Variants in PTPN5 observed in about 807,000 individuals in gnomAD.
PTPN5 encodes protein tyrosine phosphatase non-receptor type 5, also known as tyrosine-protein phosphatase non-receptor type 5.
Under a neutral mutation model 73.9 loss-of-function variants are expected in PTPN5, and 29 were observed. That is an observed-to-expected ratio of 0.39 (90% CI 0.29 to 0.54). PTPN5 has a LOEUF of 0.54. PTPN5 is among the 20% of genes least tolerant of loss of function. PTPN5 has a pLI of 0.65. For missense variants in PTPN5, 652 were observed against 751.4 expected, an observed-to-expected ratio of 0.87 and a Z score of 1.55; for synonymous variants, 267 against 304.7, an observed-to-expected ratio of 0.88 and a Z score of 1.29.
intron 9 of PTPN5, among the ~76,000 whole-genome samples, chr11:18,735,767 C>CA (rs746159443): frequency 0.047 from 4,203 of 90,070 alleles, 197 homozygotes; most frequent in African/African-American, 0.13. Context: ...TCTGTCTCCC[C>CA]CAAAAAAAAA....
chr11:18,787,508 C>A (rs1043864052), intron 1 of PTPN5, among the ~76,000 whole-genome samples: 5 of 152,182 alleles, frequency 3.3e-5, no homozygotes, highest in African/African-American at 1.2e-4. Flanking sequence ...ACTCTCTCAC[C>A]TTTTTCCTTA....
In PTPN5 at chr11:18,743,996, C is replaced by A; in HGVS notation, c.291+10G>T. On this transcript the variant is annotated intron_variant, in intron 4 of 14. Transcript: ENST00000358540. ...TCTCCAGACCCTTGTGAGGCCTGTGCCATCCTTACCAGGAACTGTGAGGCA... is the reference window on the plus strand; with the variant it reads ...TCTCCAGACCCTTGTGAGGCCTGTGACATCCTTACCAGGAACTGTGAGGCA... 2 of 1,589,918 alleles carry A rather than the reference C, an allele frequency of 1.3e-6. No individual in the cohort carries two copies. Among genetic ancestry groups the A allele is most frequent in the Non-Finnish European group, 1.7e-6 (2 of 1,171,114 alleles).
intron 4 of PTPN5, 133 bp from the exon 5 acceptor site, chr11:18,743,562 T>A: frequency 1.3e-6 from 1 of 790,078 alleles, no homozygotes. Context: ...ACCGGGCAGC[T>A]GAGAGCAGGG....
intron 9 of PTPN5, among the ~76,000 whole-genome samples, 200 bp downstream of exon 9, chr11:18,737,680 A>G (rs1012930533): frequency 6.6e-6 from 1 of 152,164 alleles, no homozygotes; most frequent in African/African-American, 2.4e-5. Flanking sequence ...AAAGGACCAG[A>G]GAGTGCTGTG....
chr11:18,737,401 T>G (rs998750119), intron 9 of PTPN5, among the ~76,000 whole-genome samples: 4 of 152,172 alleles, frequency 2.6e-5, no homozygotes, highest in African/African-American at 9.7e-5. Context: ...GTTAGAGGGC[T>G]TACAATTCGA....
At chr11:18,743,240 C>T in intron 5 of PTPN5, 82 bp downstream of exon 5, 2 of 1,398,264 alleles carry the variant, frequency 1.4e-6, no homozygotes, top group Non-Finnish European at 2.0e-6. Context: ...CTCAGAGAAG[C>T]CCAATCTGGA....
At chr11:18,770,824 C>A (rs187944043) in intron 2 of PTPN5, among the ~76,000 whole-genome samples, 107 of 152,338 alleles carry the variant, frequency 7.0e-4, no homozygotes, top group African/African-American at 2.4e-3. Flanking sequence ...CAGCCTAGAC[C>A]ACCCACCCCA....
rs150760544 is a variant in PTPN5, at chr11:18,748,142, C to T, written c.98-3943G>A. Among the ~76,000 whole-genome samples the T allele has an allele frequency of 9.9e-5, 15 of 152,238 alleles. No individual in the cohort carries two copies. In the East Asian group the frequency reaches 2.9e-3, roughly 29 times the overall value. On this transcript the variant is annotated intron_variant, in intron 3 of 14. Coordinates refer to ENST00000358540, the MANE Select transcript of PTPN5 (RefSeq NM_006906.2). ...TATCAAGAAGCCTAGTCAGGATTCTCAGGTTTCAGGCCTCGACTCCCACCT... is the reference window on the plus strand; with the variant it reads ...TATCAAGAAGCCTAGTCAGGATTCTTAGGTTTCAGGCCTCGACTCCCACCT...
At chr11:18,764,978 CT>C (rs1310358583) in intron 3 of PTPN5, among the ~76,000 whole-genome samples, 1 of 152,126 alleles carries the variant, frequency 6.6e-6, no homozygotes, top group African/African-American at 2.4e-5. Flanking sequence ...TCCCAAAGTG[CT>C]GGGATTACAG....
At position 18,728,717 on chromosome 11, in the gene PTPN5, T is replaced by C. The variant is rs1220386705; in HGVS notation, c.*217A>G. Reference sequence around the variant, plus strand: ...AGGCCCCGGGGCCCCAGGCCTGGCCTGGCATGTCCCTTCCCGACCCTGCCC... The same window carrying C: ...AGGCCCCGGGGCCCCAGGCCTGGCCCGGCATGTCCCTTCCCGACCCTGCCC... On this transcript the variant is annotated 3_prime_UTR_variant, in exon 15 of 15. Transcript: ENST00000358540. This position sits in a 1 kb window ranked among gnomAD's most constrained non-coding sequence, Gnocchi z 4.1. The C allele has an allele frequency of 8.0e-6, 4 of 497,290 alleles. No individual in the cohort carries two copies. The highest frequency in any genetic ancestry group is 4.0e-5 in the Admixed American group (1 of 25,124). The allele number at this position is 497,290 out of a possible 1,614,324, so 30.8% of individuals were successfully genotyped here.
chr11:18,783,228 G>A (rs938767144), intron 1 of PTPN5, among the ~76,000 whole-genome samples: 4 of 152,222 alleles, frequency 2.6e-5, no homozygotes, highest in African/African-American at 9.6e-5. Context: ...CAGCCTCCCT[G>A]CCTCATGATA....
chr11:18,743,348 T>A lies in PTPN5; in HGVS notation c.373A>T (p.Thr125Ser), dbSNP rs753660121. Residue 125 changes from threonine (T) to serine (S), a missense_variant, in exon 5 of 15, where the codon ACG becomes TCG. Around this residue, in one of 3 missense-constraint regions of PTPN5, gnomAD observed 529 missense variants for 573.9 expected, o/e 0.92. Transcript: ENST00000358540. ...GTGGGTTCCAGCTGTTTCAGGAGCGTCAGCAAAGAGGAGACGAGGTTTGTG... is the reference window on the plus strand; with the variant it reads ...GTGGGTTCCAGCTGTTTCAGGAGCGACAGCAAAGAGGAGACGAGGTTTGTG... ...NATNLVSSLL[T>S]LLKQLEPTAW... 3.7e-6 allele frequency: 6 copies of A among 1,613,996 alleles called. No homozygotes were observed. The African/African-American group carries it at 8.0e-5, about 22-fold the overall frequency.
At position 18,729,114 on chromosome 11, in the gene PTPN5, T is replaced by C. The variant is rs538062043; in HGVS notation, c.1605-87A>G. ...CCAAAAGCCATGGAGTAGCAATCACTTGCCAGGCCTTGCCCCTGTGCGTCT... is the reference window on the plus strand; with the variant it reads ...CCAAAAGCCATGGAGTAGCAATCACCTGCCAGGCCTTGCCCCTGTGCGTCT... On this transcript the variant is annotated intron_variant, in intron 14 of 14. Transcript: ENST00000358540. The surrounding 1 kb of genome is among the most constrained non-coding windows in gnomAD (Gnocchi z 5.2). 3 of 1,356,268 alleles carry C rather than the reference T, an allele frequency of 2.2e-6. No individual in the cohort carries two copies. The highest frequency in any genetic ancestry group is 2.4e-5 in the South Asian group (2 of 82,128). The allele number at this position is 1,356,268 out of a possible 1,614,324, so 84.0% of individuals were successfully genotyped here. A position where few individuals can be genotyped will look rare whatever the true frequency, so the allele number is the denominator to read the frequency against.
chr11:18,774,165 G>T (rs141589570), intron 1 of PTPN5, among the ~76,000 whole-genome samples: 1 of 152,156 alleles, frequency 6.6e-6, no homozygotes, highest in South Asian at 2.1e-4. Flanking sequence ...TGTCTAACAC[G>T]GATGACAACA....
At chr11:18,752,423 C>T (rs1849932270) in intron 3 of PTPN5, among the ~76,000 whole-genome samples, 2 of 152,030 alleles carry the variant, frequency 1.3e-5, no homozygotes, top group Non-Finnish European at 1.5e-5. Context: ...CCAGATGAGC[C>T]CCCCAGGAGG....
At chr11:18,784,818 C>A (rs150434037) in intron 1 of PTPN5, among the ~76,000 whole-genome samples, 3 of 151,988 alleles carry the variant, frequency 2.0e-5, no homozygotes, top group African/African-American at 7.2e-5. Flanking sequence ...TCCTCTCCAT[C>A]CTCTCCTTGG....
intron 3 of PTPN5, among the ~76,000 whole-genome samples, chr11:18,765,349 G>C (rs957384180): frequency 6.6e-6 from 1 of 152,072 alleles, no homozygotes; most frequent in African/African-American, 2.4e-5. Flanking sequence ...GTGGTCAACT[G>C]GACTCAAGCA....
At chr11:18,766,340 G>A (rs1850644173) in intron 2 of PTPN5, among the ~76,000 whole-genome samples, 3 of 152,220 alleles carry the variant, frequency 2.0e-5, no homozygotes, top group East Asian at 1.9e-4. Context: ...TCATGCTCTC[G>A]CTGTTGTGCC....
intron 3 of PTPN5, among the ~76,000 whole-genome samples, chr11:18,747,451 T>C (rs535877622): frequency 1.3e-5 from 2 of 152,182 alleles, no homozygotes; most frequent in African/African-American, 4.8e-5. Flanking sequence ...GCGCCTGGCC[T>C]GTATTAAGAT....
Sources: gnomAD v4.1 joint callset for allele counts (sites outside exome capture counted in the v4.1 genomes callset) on GRCh38, gnomAD v4.1.1 for gene constraint, gnomAD v4.1.1 regional missense constraint, Gnocchi (gnomAD v3.1) non-coding constraint, MANE v1.5 for transcripts, NCBI Gene and HGNC (gene_info 2026-07-23, HGNC 2026-07-21) for gene names.